CNTNAP3B: variants seen among roughly 807,000 people sequenced by gnomAD.
CNTNAP3B encodes contactin associated protein family member 3B, also known as contactin-associated protein-like 3B.
CNTNAP3B carries 25 observed loss-of-function variants against 108.9 expected under a neutral mutation model. That is an observed-to-expected ratio of 0.23 (90% CI 0.17 to 0.32). The LOEUF (loss-of-function observed/expected upper bound fraction) is 0.32, where lower values mean the gene tolerates loss of function less well. Ranked by LOEUF, CNTNAP3B falls within the 10% of genes least tolerant of loss-of-function variation. CNTNAP3B has a pLI of 1.00. For missense variants in CNTNAP3B, 252 were observed against 1,210.4 expected, an observed-to-expected ratio of 0.21 and a Z score of 11.75; for synonymous variants, 103 against 473.4, an observed-to-expected ratio of 0.22 and a Z score of 10.16.
Position 41,972,730 on chromosome 9 carries a change from C to T in CNTNAP3B, c.1478-2485G>A, listed in dbSNP as rs1482565292. Among the ~76,000 whole-genome samples, 2 of 134,506 alleles carry T rather than the reference C, an allele frequency of 1.5e-5. 1 individual carries two copies. Among genetic ancestry groups the T allele is most frequent in the East Asian group, 4.6e-4 (2 of 4,382 alleles). The allele number at this position is 134,506 out of a possible 152,430, so 88.2% of individuals were successfully genotyped here. On this transcript the variant is annotated intron_variant, in intron 9 of 23. Coordinates refer to ENST00000377561, the MANE Select transcript of CNTNAP3B (RefSeq NM_001201380.3). ...AAAAGAAATAAAAGTTTAAATGGTA[C>T]AGCAGAACCTTCTGAAGAATGGGAT... is the stretch of plus-strand genomic sequence containing the variant.
Position 42,058,262 on chromosome 9 carries a change from T to C in CNTNAP3B, c.390+18607A>G, listed in dbSNP as rs565392613. On this transcript the variant is annotated intron_variant, in intron 3 of 23. Coordinates refer to ENST00000377561, the MANE Select transcript of CNTNAP3B (RefSeq NM_001201380.3). The stretch of plus-strand genomic sequence containing the variant: ...GGATTGCTGAATCATTTGGTAATTC[T>C]ATTTTTGATTTTTTGAGGAAACTCC... Among the ~76,000 whole-genome samples, 99 of 152,272 alleles carry C rather than the reference T, an allele frequency of 6.5e-4. 1 individual carries two copies. The highest frequency in any genetic ancestry group is 2.2e-3 in the African/African-American group (91 of 41,474).
rs1310679192 is a variant in CNTNAP3B, at chr9:42,117,115, A to G, written c.85+11895T>C. Among the ~76,000 whole-genome samples the G allele has an allele frequency of 6.4e-4, 88 of 138,492 alleles. 16 individuals carry two copies. The highest frequency in any genetic ancestry group is 2.5e-3 in the African/African-American group (88 of 34,724). The allele number at this position is 138,492 out of a possible 152,430, so 90.9% of individuals were successfully genotyped here. On this transcript the variant is annotated intron_variant, in intron 1 of 23. Transcript: ENST00000377561. The stretch of plus-strand genomic sequence containing the variant: ...ACCACTGTCAACATTAGACAGATCA[A>G]CAAGACAGAAAGTTAAAAAGGATAT...
intron 15 of CNTNAP3B, among the ~76,000 whole-genome samples, chr9:41,926,068 G>A (rs1290409631): frequency 2.6e-5 from 4 of 152,288 alleles, no homozygotes; most frequent in Admixed American, 2.6e-4. Context: ...TCTCTTCTAT[G>A]TGTATTCTAC....
At chr9:41,918,207 C>A (rs1288937003) in intron 18 of CNTNAP3B, among the ~76,000 whole-genome samples, 1 of 150,714 alleles carries the variant, frequency 6.6e-6, no homozygotes, top group Non-Finnish European at 1.5e-5. Flanking sequence ...AACAGAGCTC[C>A]TGAAGTAACT....
At position 41,969,183 on chromosome 9, in the gene CNTNAP3B, G is replaced by A. The variant is rs1174943862; in HGVS notation, c.1649+891C>T. ...AATGTACTGGGGCAAATTGTATGTA[G>A]AAATATTATTTTTCCAGGTGTGACC... is the stretch of plus-strand genomic sequence containing the variant. On this transcript the variant is annotated intron_variant, in intron 10 of 23. Coordinates refer to ENST00000377561, the MANE Select transcript of CNTNAP3B (RefSeq NM_001201380.3). Among the ~76,000 whole-genome samples the A allele has an allele frequency of 5.9e-5, 9 of 152,020 alleles. No individual in the cohort carries two copies. In the East Asian group the frequency reaches 1.7e-3, roughly 29 times the overall value.
intron 9 of CNTNAP3B, among the ~76,000 whole-genome samples, chr9:41,973,983 T>A (rs1825477864): frequency 7.4e-6 from 1 of 134,234 alleles, no homozygotes; most frequent in African/African-American, 3.0e-5. Flanking sequence ...TAGCTGGGAC[T>A]ACAGGCTCCC....
intron 2 of CNTNAP3B, among the ~76,000 whole-genome samples, chr9:42,089,554 A>G (rs1030571282): frequency 5.5e-5 from 8 of 146,572 alleles, no homozygotes; most frequent in Non-Finnish European, 1.0e-4. Context: ...TTTCATTAGG[A>G]GTTATACTTT....
intron 14 of CNTNAP3B, among the ~76,000 whole-genome samples, chr9:41,933,859 A>G (rs1824055173): frequency 6.6e-6 from 1 of 152,192 alleles, no homozygotes; most frequent in Non-Finnish European, 1.5e-5. Flanking sequence ...CATCATGACA[A>G]TTCCGTAAAA....
chr9:42,067,135 C>T (rs1219097534), intron 3 of CNTNAP3B, among the ~76,000 whole-genome samples: 1 of 149,138 alleles, frequency 6.7e-6, no homozygotes, highest in East Asian at 2.0e-4. Context: ...CCTTGAACTC[C>T]TAAGATGGAG....
chr9:41,953,289 C>A lies in CNTNAP3B; in HGVS notation c.1974G>T (p.Ala658=), dbSNP rs745723161. The A allele has an allele frequency of 3.9e-6, 6 of 1,530,336 alleles. No individual in the cohort carries two copies. The highest frequency in any genetic ancestry group is 4.9e-5 in the East Asian group (2 of 40,690). The allele number at this position is 1,530,336 out of a possible 1,614,324, so 94.8% of individuals were successfully genotyped here. The part of the protein sequence containing the change: ...SGHPLSAVSF[A]YAAGAGQLRA... ...GCAGCTGCCCCGCGCCCGCTGCGTA[C>A]GCGAAGGACACAGCCGAGAGCGGGT... The change falls in exon 13 of 24, where the codon GCG becomes GCT. Residue 658 remains alanine (A), a synonymous_variant. Transcript: ENST00000377561.
chr9:41,937,704 G>A (rs1441259451), intron 14 of CNTNAP3B, among the ~76,000 whole-genome samples: 1 of 152,174 alleles, frequency 6.6e-6, no homozygotes, highest in Non-Finnish European at 1.5e-5. Flanking sequence ...ATGGTCTACA[G>A]AACAGTTGGT....
chr9:41,968,084 G>C (rs1692983), intron 10 of CNTNAP3B, among the ~76,000 whole-genome samples: 1 of 152,204 alleles, frequency 6.6e-6, no homozygotes, highest in Non-Finnish European at 1.5e-5. Flanking sequence ...TTTGTACTTT[G>C]GGAGCTACAT....
intron 1 of CNTNAP3B, among the ~76,000 whole-genome samples, chr9:42,107,612 C>T (rs1294667281): frequency 7.9e-6 from 1 of 126,442 alleles, no homozygotes; most frequent in Non-Finnish European, 1.6e-5. Context: ...TCAATAGCAT[C>T]TGTCTGCCAA....
At chr9:41,922,526 C>T (rs1823698260) in intron 17 of CNTNAP3B, among the ~76,000 whole-genome samples, 151 bp downstream of exon 17, 1 of 147,662 alleles carries the variant, frequency 6.8e-6, no homozygotes, top group Non-Finnish European at 1.5e-5. Context: ...AAGCACACAG[C>T]AAGCTCCTGG....
intron 15 of CNTNAP3B, among the ~76,000 whole-genome samples, chr9:41,925,058 T>C (rs1364381765): frequency 6.6e-6 from 1 of 152,076 alleles, no homozygotes; most frequent in African/African-American, 2.4e-5. Flanking sequence ...TCAACTGCCT[T>C]GTAAAGTGGC....
chr9:41,966,466 C>G (rs1362086650), intron 10 of CNTNAP3B, among the ~76,000 whole-genome samples: 12 of 152,236 alleles, frequency 7.9e-5, no homozygotes, highest in Non-Finnish European at 1.6e-4. Context: ...TGCAGAAGAC[C>G]AACAGAGGGG....
intron 11 of CNTNAP3B, among the ~76,000 whole-genome samples, chr9:41,963,744 G>T (rs1273563945): frequency 1.1e-4 from 16 of 151,376 alleles, no homozygotes; most frequent in African/African-American, 3.6e-4. Flanking sequence ...TGGAGCCAAG[G>T]CTGTGGAGCC....
intron 1 of CNTNAP3B, among the ~76,000 whole-genome samples, chr9:42,115,022 C>G (rs1412741025): frequency 7.3e-6 from 1 of 136,336 alleles, no homozygotes; most frequent in African/African-American, 3.0e-5. Flanking sequence ...CCACTGCTCT[C>G]CAGCCTAGGT....
intron 15 of CNTNAP3B, among the ~76,000 whole-genome samples, chr9:41,924,364 G>T (rs1159437260): frequency 6.6e-6 from 1 of 152,304 alleles, no homozygotes; most frequent in African/African-American, 2.4e-5. Context: ...CAGCAACACA[G>T]TAGGGACAGG....
Sources: gnomAD v4.1 joint callset for allele counts (sites outside exome capture counted in the v4.1 genomes callset) on GRCh38, gnomAD v4.1.1 for gene constraint, MANE v1.5 for transcripts, NCBI Gene and HGNC (gene_info 2026-07-23, HGNC 2026-07-21) for gene names.